Variants in CMIP observed in about 807,000 individuals in gnomAD.
CMIP encodes c-Maf inducing protein, also known as C-Maf-inducing protein.
A neutral mutation model predicts 97.3 loss-of-function variants in CMIP; 13 were observed. The ratio of observed to expected loss-of-function variants is 0.13; its 90% CI spans 0.09 to 0.21. The LOEUF (loss-of-function observed/expected upper bound fraction) is 0.21. Ranked by LOEUF, CMIP falls within the 10% of genes least tolerant of loss-of-function variation. The pLI is 1.00. For synonymous variants in CMIP, 538 were observed against 436.3 expected, an observed-to-expected ratio of 1.23 and a Z score of -2.91; for missense variants, 847 against 1,024.9, an observed-to-expected ratio of 0.83 and a Z score of 2.37.
intron 8 of CMIP, 99 bp from the exon 9 acceptor site, chr16:81,671,867 C>T (rs1391079903): frequency 6.4e-5 from 39 of 609,400 alleles, no homozygotes; most frequent in African/African-American, 1.1e-4. Flanking sequence ...GCAGAGCGGG[C>T]AGCCCCGTGC....
intron 1 of CMIP, chr16:81,495,457 G>T (rs368168365): frequency 6.2e-7 from 1 of 1,612,090 alleles, no homozygotes; most frequent in Non-Finnish European, 8.5e-7. Flanking sequence ...ACAGATCTCC[G>T]CCCTGGCGTC....
At position 81,652,407 on chromosome 16, in the gene CMIP, C is replaced by T. The variant is rs1043473398; in HGVS notation, c.639+43C>T. 2.6e-6 allele frequency: 4 copies of T among 1,538,920 alleles called. No homozygotes were observed. The highest frequency in any genetic ancestry group is 3.6e-6 in the Non-Finnish European group (4 of 1,124,322). ...GACCCCTTTACATTGTTTGCCTTTC[C>T]CTCCACCGATCACCGGCTCCATGCC... On this transcript the variant is annotated intron_variant, in intron 4 of 20. Transcript: ENST00000537098. The surrounding 1 kb of genome is among the most constrained non-coding windows in gnomAD (Gnocchi z 5.2).
chr16:81,596,311 G>C (rs958796119), intron 1 of CMIP, among the ~76,000 whole-genome samples: 1 of 152,064 alleles, frequency 6.6e-6, no homozygotes, highest in Non-Finnish European at 1.5e-5. Context: ...TTCAAGACCA[G>C]CCTGGCCAAC....
intron 1 of CMIP, among the ~76,000 whole-genome samples, chr16:81,473,883 A>G (rs548594393): frequency 6.6e-6 from 1 of 151,684 alleles, no homozygotes; most frequent in South Asian, 2.1e-4. Context: ...ATTCCCCTAA[A>G]AAGTTCCGGA....
At chr16:81,678,959 A>T (rs576681063) in intron 10 of CMIP, among the ~76,000 whole-genome samples, 1 of 152,356 alleles carries the variant, frequency 6.6e-6, no homozygotes, top group South Asian at 2.1e-4. Context: ...GCACATGTGC[A>T]AGGTGCATGC....
intron 1 of CMIP, among the ~76,000 whole-genome samples, chr16:81,528,449 T>G (rs985716722): frequency 6.6e-6 from 1 of 152,210 alleles, no homozygotes; most frequent in Non-Finnish European, 1.5e-5. Context: ...GCTGTGCTCA[T>G]GCATTGAATT....
chr16:81,602,338 C>G (rs1209456873), intron 1 of CMIP, among the ~76,000 whole-genome samples: 1 of 152,208 alleles, frequency 6.6e-6, no homozygotes, highest in Non-Finnish European at 1.5e-5. Flanking sequence ...AAGTCACACA[C>G]CAGAGTGCTA....
intron 3 of CMIP, chr16:81,631,971 G>A (rs900072367): frequency 1.3e-5 from 2 of 152,164 alleles, no homozygotes; most frequent in African/African-American, 2.4e-5. Context: ...TTAAAATACC[G>A]AAAAGGACAA....
chr16:81,528,523 C>G (rs868665000), intron 1 of CMIP, among the ~76,000 whole-genome samples: 42 of 152,160 alleles, frequency 2.8e-4, no homozygotes, highest in African/African-American at 9.7e-4. Context: ...ACACTTTTTG[C>G]TGGTCCCAGA....
At chr16:81,514,308 G>A (rs553347752) in intron 1 of CMIP, among the ~76,000 whole-genome samples, 99 of 152,254 alleles carry the variant, frequency 6.5e-4, no homozygotes, top group Admixed American at 8.5e-4. Flanking sequence ...GGGGCGTGTG[G>A]CCACCTCCAG....
rs1253739265 is a variant in CMIP at position 81,484,060 on chromosome 16, C to T, written c.300+38519C>T. On this transcript the variant is annotated intron_variant, in intron 1 of 20. Coordinates refer to ENST00000537098, the MANE Select transcript of CMIP (RefSeq NM_198390.3). Reference sequence around the variant, plus strand: ...CACCTACTGTGTCTTGGGGTTTCTGCGAGATGTGAGATTCATTGGCGGACA... The same window carrying T: ...CACCTACTGTGTCTTGGGGTTTCTGTGAGATGTGAGATTCATTGGCGGACA... Among the ~76,000 whole-genome samples the T allele has an allele frequency of 5.9e-5, 9 of 152,076 alleles. No homozygotes were observed. In the East Asian group the frequency reaches 1.4e-3, roughly 23 times the overall value.
chr16:81,477,456 T>C lies in CMIP; in HGVS notation c.300+31915T>C, dbSNP rs930765718. On this transcript the variant is annotated intron_variant, in intron 1 of 20. Coordinates refer to ENST00000537098, the MANE Select transcript of CMIP (RefSeq NM_198390.3). The stretch of plus-strand genomic sequence containing the variant: ...GATTACAGGCGTGAGCCACCGCACC[T>C]AGCCTGAATTCTTAAGGGGTAGATA... Among the ~76,000 whole-genome samples, 8 of 152,286 alleles carry C rather than the reference T, an allele frequency of 5.3e-5. No individual in the cohort carries two copies. In the East Asian group the frequency reaches 1.5e-3, roughly 29 times the overall value.
Position 81,705,393 on chromosome 16 carries a change from C to T in CMIP, c.2092-106C>T, listed in dbSNP as rs975952733. ...CCAGGGCTTGGTGGGCCATGGGCCTCAGAGCCAGGCTCTGTCCCCATCCCT... is the reference window on the plus strand; with the variant it reads ...CCAGGGCTTGGTGGGCCATGGGCCTTAGAGCCAGGCTCTGTCCCCATCCCT... On this transcript the variant is annotated intron_variant, in intron 18 of 20. Transcript: ENST00000537098. The T allele has an allele frequency of 3.1e-5, 25 of 798,912 alleles. No homozygotes were observed. In the Middle Eastern group the frequency reaches 8.3e-4, roughly 26 times the overall value. 49.5% of individuals were successfully genotyped at this position (798,912 alleles called of 1,614,324 possible).
chr16:81,680,193 G>A (rs550725110), intron 10 of CMIP, among the ~76,000 whole-genome samples: 2 of 152,366 alleles, frequency 1.3e-5, no homozygotes, highest in Admixed American at 6.5e-5. Flanking sequence ...GGTGTTGTCT[G>A]TGTGGGTGGG....
rs747458868 is a variant in CMIP, at chr16:81,472,097, C to T, written c.300+26556C>T. Among the ~76,000 whole-genome samples, 31 of 152,320 alleles carry T rather than the reference C, an allele frequency of 2.0e-4. No homozygotes were observed. The Middle Eastern group carries it at 0.01, about 50-fold the overall frequency. On this transcript the variant is annotated intron_variant, in intron 1 of 20. Transcript: ENST00000537098. The stretch of plus-strand genomic sequence containing the variant: ...GTACACACACACTCACGCACATGCA[C>T]ATGTGCTCTCAGTATACACATGTAT...
At chr16:81,514,674 T>TTA in intron 1 of CMIP, among the ~76,000 whole-genome samples, 1 of 152,150 alleles carries the variant, frequency 6.6e-6, no homozygotes, top group Non-Finnish European at 1.5e-5. Flanking sequence ...AGGTCATGGC[T>TTA]TCACCCCTTA....
chr16:81,461,421 C>T (rs1441272020), intron 1 of CMIP, among the ~76,000 whole-genome samples: 2 of 152,196 alleles, frequency 1.3e-5, no homozygotes, highest in Non-Finnish European at 2.9e-5. Context: ...TGCTGCCACT[C>T]CTCATTGCCT....
chr16:81,537,730 C>T (rs759206495), intron 1 of CMIP, among the ~76,000 whole-genome samples: 9 of 130,272 alleles, frequency 6.9e-5, no homozygotes, highest in Non-Finnish European at 1.0e-4. Context: ...AAAAGAAATG[C>T]CCCAAATGGG....
intron 3 of CMIP, among the ~76,000 whole-genome samples, chr16:81,640,738 ATGTGTGTGTGTGTG>A (rs751455480): frequency 1.4e-5 from 2 of 138,938 alleles, no homozygotes; most frequent in South Asian, 2.4e-4. Flanking sequence ...TCTCTGGAGC[ATGTGTGTGTGTGTG>A]TGTGTGTGTG....
Sources: gnomAD v4.1 joint callset for allele counts (sites outside exome capture counted in the v4.1 genomes callset) on GRCh38, gnomAD v4.1.1 for gene constraint, Gnocchi (gnomAD v3.1) non-coding constraint, MANE v1.5 for transcripts, NCBI Gene and HGNC (gene_info 2026-07-23, HGNC 2026-07-21) for gene names.